Variants in RXRA observed in about 807,000 individuals in gnomAD.
RXRA encodes retinoic acid receptor RXR-alpha.
RXRA carries 5 observed loss-of-function variants against 44.5 expected under a neutral mutation model. That is an observed-to-expected ratio of 0.11 (90% CI 0.06 to 0.24). The LOEUF (loss-of-function observed/expected upper bound fraction) is 0.24. RXRA is among the 10% of genes least tolerant of loss of function. The pLI, the probability that RXRA is intolerant of heterozygous loss-of-function variation, is 1.00. For synonymous variants in RXRA, 291 were observed against 271.4 expected, an observed-to-expected ratio of 1.07 and a Z score of -0.71; for missense variants, 412 against 646.5, an observed-to-expected ratio of 0.64 and a Z score of 3.93.
chr9:134,354,279 C>T (rs1830256833), intron 1 of RXRA, among the ~76,000 whole-genome samples: 1 of 152,210 alleles, frequency 6.6e-6, no homozygotes, highest in East Asian at 1.9e-4. Flanking sequence ...CTAATGTCTC[C>T]CTTCTACCGG....
At chr9:134,422,690 G>C (rs1038556714) in intron 6 of RXRA, 1 of 984,792 alleles carries the variant, frequency 1.0e-6, no homozygotes, top group Non-Finnish European at 1.2e-6. Flanking sequence ...ACACTCCCCC[G>C]TCCTGGGACC....
chr9:134,351,781 G>A (rs945635531), intron 1 of RXRA, among the ~76,000 whole-genome samples: 2 of 152,264 alleles, frequency 1.3e-5, no homozygotes. Context: ...ATCAGAACGC[G>A]AGGTGAATGA....
intron 4 of RXRA, among the ~76,000 whole-genome samples, chr9:134,410,785 C>G (rs3132296): frequency 6.6e-6 from 1 of 152,018 alleles, no homozygotes; most frequent in African/African-American, 2.4e-5. Context: ...TTGGTTTAGC[C>G]GAGACCACTC....
chr9:134,334,887 G>T (rs532360235), intron 1 of RXRA, among the ~76,000 whole-genome samples: 1 of 152,346 alleles, frequency 6.6e-6, no homozygotes, highest in East Asian at 1.9e-4. Flanking sequence ...TCTGGATGTG[G>T]ACTGGGCATG....
chr9:134,414,103 C>T (rs1344976212), intron 4 of RXRA, among the ~76,000 whole-genome samples: 1 of 152,262 alleles, frequency 6.6e-6, no homozygotes, highest in Admixed American at 6.5e-5. Flanking sequence ...GCCCCTCCTG[C>T]CCCCCAGCCT....
At chr9:134,331,318 A>G (rs1240908947) in intron 1 of RXRA, among the ~76,000 whole-genome samples, 1 of 152,270 alleles carries the variant, frequency 6.6e-6, no homozygotes, top group African/African-American at 2.4e-5. Context: ...TGTCTAGCTC[A>G]GCAGCTGAAT....
At chr9:134,416,650 GC>G (rs1341626495) in intron 4 of RXRA, among the ~76,000 whole-genome samples, 1 of 148,388 alleles carries the variant, frequency 6.7e-6, no homozygotes, top group Non-Finnish European at 1.5e-5. Context: ...TCCCTCCCCC[GC>G]CCCCCGCCGC....
intron 6 of RXRA, chr9:134,423,608 G>A: frequency 2.0e-6 from 2 of 985,468 alleles, no homozygotes; most frequent in African/African-American, 3.5e-5. Context: ...CCATCTCAAA[G>A]TCCTTGACTT....
chr9:134,381,809 G>C (rs960890681), intron 1 of RXRA, among the ~76,000 whole-genome samples: 2 of 152,124 alleles, frequency 1.3e-5, no homozygotes, highest in African/African-American at 4.8e-5. Context: ...GGGGTGCCCA[G>C]CAGGGGCGCA....
intron 1 of RXRA, among the ~76,000 whole-genome samples, chr9:134,371,179 A>G (rs1245311535): frequency 6.6e-6 from 1 of 151,988 alleles, no homozygotes. Flanking sequence ...CATCCCTCCC[A>G]CCGGCCCAGT....
At chr9:134,337,810 G>T (rs1554747538) in intron 1 of RXRA, among the ~76,000 whole-genome samples, 3 of 152,190 alleles carry the variant, frequency 2.0e-5, no homozygotes, top group African/African-American at 7.2e-5. Flanking sequence ...CCTCTGGGGG[G>T]TCGCCCAGAG....
chr9:134,362,762 GGC>G (rs1830367840), intron 1 of RXRA, among the ~76,000 whole-genome samples: 1 of 152,200 alleles, frequency 6.6e-6, no homozygotes, highest in Non-Finnish European at 1.5e-5. Context: ...ACTTTCTGTC[GGC>G]CCCTCATGTG....
chr9:134,428,852 G>A (rs974363981), intron 6 of RXRA, among the ~76,000 whole-genome samples: 1 of 152,200 alleles, frequency 6.6e-6, no homozygotes, highest in African/African-American at 2.4e-5. Flanking sequence ...ACATGAGTTT[G>A]TGAGCTCCCG....
chr9:134,341,500 T>C (rs1333005113), intron 1 of RXRA, among the ~76,000 whole-genome samples: 1 of 152,122 alleles, frequency 6.6e-6, no homozygotes, highest in Non-Finnish European at 1.5e-5. Flanking sequence ...TATTTTTATT[T>C]CCTATTTTTA....
chr9:134,356,854 C>T (rs1830290048), intron 1 of RXRA, among the ~76,000 whole-genome samples: 1 of 152,184 alleles, frequency 6.6e-6, no homozygotes, highest in Admixed American at 6.5e-5. Context: ...TGCCTGAGGC[C>T]CTGCTCAGCC....
chr9:134,382,996 T>C (rs1830668673), intron 1 of RXRA, among the ~76,000 whole-genome samples: 1 of 152,174 alleles, frequency 6.6e-6, no homozygotes, highest in African/African-American at 2.4e-5. Context: ...GGGGCTGCAG[T>C]GGGACTGGAG....
rs1196461843 is a variant in RXRA, at chr9:134,379,817, C to T, written c.29-21815C>T. 9.1e-6 allele frequency: 9 copies of T among 985,340 alleles called. No homozygotes were observed. In the East Asian group the frequency reaches 9.1e-4, roughly 100 times the overall value. The allele number at this position is 985,340 out of a possible 1,614,324, so 61.0% of individuals were successfully genotyped here. A position where few individuals can be genotyped will look rare whatever the true frequency, so the allele number is the denominator to read the frequency against. On this transcript the variant is annotated intron_variant, in intron 1 of 9. Transcript: ENST00000481739. ...GGATGGAGCTCAGTCTTCCCCAGCT[C>T]CAACCCTGGGGCCTTGTGTGGGAGG... is the stretch of plus-strand genomic sequence containing the variant.
intron 1 of RXRA, among the ~76,000 whole-genome samples, chr9:134,378,891 C>T (rs1368028094): frequency 6.6e-6 from 1 of 152,200 alleles, no homozygotes; most frequent in Admixed American, 6.5e-5. Context: ...TTGGCTGTGA[C>T]TTTGTTTTGT....
intron 1 of RXRA, among the ~76,000 whole-genome samples, chr9:134,330,818 CA>C (rs1554746545): frequency 6.6e-6 from 1 of 152,210 alleles, no homozygotes; most frequent in African/African-American, 2.4e-5. Context: ...TTTGGCTGTC[CA>C]TCTGAAAAAT....
Sources: allele counts gnomAD v4.1 joint callset (sites outside exome capture counted in the v4.1 genomes callset), GRCh38; gene constraint gnomAD v4.1.1; transcripts MANE v1.5; gene names NCBI Gene and HGNC (gene_info 2026-07-23, HGNC 2026-07-21).